TDP1: variants seen among roughly 807,000 people sequenced by gnomAD.
TDP1 encodes tyr-DNA phosphodiesterase 1.
A neutral mutation model predicts 81.5 loss-of-function variants in TDP1; 64 were observed. The observed-to-expected ratio is 0.79, with a 90% confidence interval of 0.64 to 0.97. The LOEUF (loss-of-function observed/expected upper bound fraction) is 0.97. TDP1 is among the 50% of genes least tolerant of loss of function. The pLI is 0.00. For synonymous variants in TDP1, 256 were observed against 264.3 expected (o/e 0.97, Z 0.30); for missense variants, 723 against 743.8 (o/e 0.97, Z 0.33).
rs34259367 is a variant in TDP1, at chr14:89,975,587, T to G, written c.757-194T>G. On this transcript the variant is annotated intron_variant, in intron 6 of 16. Coordinates refer to ENST00000335725, the MANE Select transcript of TDP1 (RefSeq NM_018319.4). ...TCTGGGTAACAAAATTTGTGTTTTT[T>G]TTTTTTTTTTTTTTAATGAGCGTCC... is the stretch of plus-strand genomic sequence containing the variant. 0.025 allele frequency: 17,882 copies of G among 714,476 alleles called. 592 individuals carry two copies. The highest frequency in any genetic ancestry group is 0.14 in the African/African-American group (7,175 of 50,334). The allele number at this position is 714,476 out of a possible 1,614,324, so 44.3% of individuals were successfully genotyped here.
At chr14:90,029,286 C>T (rs1285882346) in intron 15 of TDP1, among the ~76,000 whole-genome samples, 1 of 151,300 alleles carries the variant, frequency 6.6e-6, no homozygotes, top group Non-Finnish European at 1.5e-5. Context: ...CAACCTCCGC[C>T]TTCTGGGTTC....
At chr14:89,969,298 T>C (rs1467824470) in intron 5 of TDP1, among the ~76,000 whole-genome samples, 2 of 152,174 alleles carry the variant, frequency 1.3e-5, no homozygotes, top group Non-Finnish European at 2.9e-5. Context: ...CATCCCCTTA[T>C]TGCCAAATGC....
intron 14 of TDP1, among the ~76,000 whole-genome samples, chr14:90,013,518 T>C (rs1173844278): frequency 6.6e-6 from 1 of 152,240 alleles, no homozygotes. Flanking sequence ...TGCCTTCTGC[T>C]ATGATCGTGA....
At chr14:90,008,804 G>A (rs1162200816) in intron 14 of TDP1, among the ~76,000 whole-genome samples, 1 of 152,094 alleles carries the variant, frequency 6.6e-6, no homozygotes, top group African/African-American at 2.4e-5. Flanking sequence ...TAGCTCCTGG[G>A]CTCAAGCAAT....
chr14:89,966,849 C>A, intron 4 of TDP1: 1 of 329,200 alleles, frequency 3.0e-6, no homozygotes, highest in Non-Finnish European at 4.3e-6. Flanking sequence ...ACGGGTAAGA[C>A]CAGTACAGAA....
At chr14:89,967,073 C>T in intron 4 of TDP1, 4 of 985,198 alleles carry the variant, frequency 4.1e-6, no homozygotes, top group Non-Finnish European at 3.6e-6. Flanking sequence ...GGCCATTAGA[C>T]ATAATGTAAT....
chr14:90,037,568 A>G (rs879476711), intron 16 of TDP1, among the ~76,000 whole-genome samples: 7 of 152,150 alleles, frequency 4.6e-5, no homozygotes, highest in Admixed American at 6.5e-5. Flanking sequence ...CAAGAAGAGT[A>G]CAAAGAATTC....
chr14:90,023,424 C>A (rs993869525), intron 15 of TDP1, among the ~76,000 whole-genome samples: 6 of 152,174 alleles, frequency 3.9e-5, no homozygotes, highest in Admixed American at 6.5e-5. Context: ...GAACACACCA[C>A]TGGCCTTGGT....
intron 9 of TDP1, 131 bp downstream of exon 9, chr14:89,984,814 G>C (rs953095009): frequency 7.1e-5 from 112 of 1,579,158 alleles, no homozygotes; most frequent in Non-Finnish European, 9.6e-5. Context: ...GTGATGAGGG[G>C]ATGAGCAGAT....
chr14:89,968,607 C>T (rs1413532311), intron 5 of TDP1, among the ~76,000 whole-genome samples: 4 of 152,224 alleles, frequency 2.6e-5, no homozygotes, highest in Non-Finnish European at 5.9e-5. Flanking sequence ...TAGCTTAGCA[C>T]ACCTTTTCCT....
At position 90,019,303 on chromosome 14, in the gene TDP1, C is replaced by A; in HGVS notation, c.1542-13C>A. On this transcript the variant is annotated splice_polypyrimidine_tract_variant and intron_variant, in intron 14 of 16. Transcript: ENST00000335725. ...TCCCTGAGTCAGCCCTATCTGTGTC[C>A]TTGTCTCTGCAGCGCAAATCTGTCC... 6.4e-7 allele frequency: 1 copy of A among 1,572,364 alleles called. No homozygotes were observed. The highest frequency in any genetic ancestry group is 8.8e-7 in the Non-Finnish European group (1 of 1,142,650).
intron 15 of TDP1, among the ~76,000 whole-genome samples, chr14:90,030,853 C>T (rs918381870): frequency 6.6e-6 from 1 of 151,912 alleles, no homozygotes; most frequent in Non-Finnish European, 1.5e-5. Flanking sequence ...GCAACCTCTG[C>T]CTTCTGGGTT....
Position 90,021,142 on chromosome 14 carries a change from G to C in TDP1, c.1644+1724G>C, listed in dbSNP as rs553036219. 2.0e-5 allele frequency among the ~76,000 whole-genome samples: 3 copies of C among 152,182 alleles called. No individual in the cohort carries two copies. The South Asian group carries it at 6.2e-4, about 32-fold the overall frequency. The stretch of plus-strand genomic sequence containing the variant: ...CACCTTCCCAGCCCACCCCAGCGTC[G>C]TTCACTGTTTCTCACACCGTGCTCA... On this transcript the variant is annotated intron_variant, in intron 15 of 16. Transcript: ENST00000335725.
At chr14:90,022,845 C>T in intron 15 of TDP1, 1 of 791,366 alleles carries the variant, frequency 1.3e-6, no homozygotes, top group Non-Finnish European at 1.5e-6. Context: ...TGTCGTTTCG[C>T]TGAGTTTATA....
chr14:89,991,976 T>C lies in TDP1; in HGVS notation c.1426T>C (p.Tyr476His). Residue 476 changes from tyrosine (Y) to histidine (H), a missense_variant, in exon 13 of 17, where the codon TAT (tyrosine) becomes CAT (histidine). By Grantham distance (83) the Tyr-to-His change is moderately conservative. Transcript: ENST00000335725. ...TGAAAAACAGAATTGGCTGCATTCCTATTTTCAGTAAGTAATTGGTTTAGA... is the reference window on the plus strand; with the variant it reads ...TGAAAAACAGAATTGGCTGCATTCCCATTTTCAGTAAGTAATTGGTTTAGA... ...TAEKQNWLHS[Y>H]FHKWSAETSG... 2 of 1,612,350 alleles carry C rather than the reference T, an allele frequency of 1.2e-6. No individual in the cohort carries two copies. Among genetic ancestry groups the C allele is most frequent in the Non-Finnish European group, 1.7e-6 (2 of 1,179,218 alleles).
chr14:89,970,606 C>T (rs1340867720), intron 5 of TDP1, among the ~76,000 whole-genome samples: 1 of 152,064 alleles, frequency 6.6e-6, no homozygotes, highest in African/African-American at 2.4e-5. Context: ...GATAATTATT[C>T]AAGGACTTTC....
chr14:90,033,191 C>T lies in TDP1; in HGVS notation c.1730C>T (p.Pro577Leu). The part of the protein sequence containing the change: ...MATFPVPYDL[P>L]PELYGSKDRP... The stretch of plus-strand genomic sequence containing the variant: ...ACCTTTCCTGTGCCATATGATTTGC[C>T]TCCAGAACTGTATGGAAGTAAAGGT... Residue 577 changes from proline to leucine, a missense_variant, in exon 16 of 17, where the codon CCT becomes CTT. By Grantham distance (98) the Pro-to-Leu change is moderately conservative. Coordinates refer to ENST00000335725, the MANE Select transcript of TDP1 (RefSeq NM_018319.4). The T allele has an allele frequency of 6.2e-7, 1 of 1,608,590 alleles. No homozygotes were observed. Among genetic ancestry groups the T allele is most frequent in the Non-Finnish European group, 8.5e-7 (1 of 1,175,114 alleles).
chr14:89,979,771 G>C (rs1220522234), intron 7 of TDP1, among the ~76,000 whole-genome samples: 1 of 152,122 alleles, frequency 6.6e-6, no homozygotes, highest in East Asian at 1.9e-4. Context: ...ACTTCAAATG[G>C]AAAGCTTTTA....
intron 11 of TDP1, 35 bp from the exon 12 acceptor site, chr14:89,989,682 C>T (rs1675568254): frequency 1.3e-6 from 2 of 1,529,162 alleles, no homozygotes; most frequent in African/African-American, 1.4e-5. Context: ...CAACATGGTA[C>T]ATTCCGAGTT....
Sources: gnomAD v4.1 joint callset for allele counts (sites outside exome capture counted in the v4.1 genomes callset) on GRCh38, gnomAD v4.1.1 for gene constraint, MANE v1.5 for transcripts, NCBI Gene and HGNC (gene_info 2026-07-23, HGNC 2026-07-21) for gene names.